Variants in IL4I1 observed in about 807,000 individuals in gnomAD.
The protein encoded by IL4I1 is interleukin 4 induced 1, also known as L-amino-acid oxidase.
A neutral mutation model predicts 29.7 loss-of-function variants in IL4I1; 24 were observed. The ratio of observed to expected loss-of-function variants is 0.81; its 90% CI spans 0.59 to 1.14. The LOEUF (loss-of-function observed/expected upper bound fraction) is 1.14, where lower values mean the gene tolerates loss of function less well. Among genes scored for constraint, IL4I1 ranks in the 50% most tolerant of loss-of-function variants. The pLI, the probability that IL4I1 is intolerant of heterozygous loss-of-function variation, is 0.00. For synonymous variants in IL4I1, 371 were observed against 352.5 expected (o/e 1.05, Z -0.59); for missense variants, 686 against 785.6 (o/e 0.87, Z 1.52).
upstream of IL4I1, among the ~76,000 whole-genome samples, chr19:49,900,683 G>GT (rs1245009817): frequency 6.6e-6 from 1 of 152,106 alleles, no homozygotes. Flanking sequence ...GTTTGGATAG[G>GT]TGAGTGGGAG....
intron 2 of IL4I1, among the ~76,000 whole-genome samples, chr19:49,905,905 T>C (rs1721199973): frequency 6.6e-6 from 1 of 151,432 alleles, no homozygotes; most frequent in Admixed American, 6.6e-5. Context: ...ACCTGGCCGG[T>C]CCAAGGAAAT....
chr19:49,889,732 G>T lies in IL4I1; in HGVS notation c.1642C>A (p.His548Asn). The change falls in exon 8 of 8, where the codon CAC (histidine) becomes AAC (asparagine). Residue 548 changes from histidine (H) to asparagine (N), a missense_variant. Transcript: ENST00000391826. ...SHDLAKEEGS[H>N]PPVQGQLSLQ... ...GATAACTGGCCTTGGACTGGAGGGT[G>T]GCTGCCTTCTTCCTTTGCCAGGTCA... 6.6e-7 allele frequency: 1 copy of T among 1,516,004 alleles called. No individual in the cohort carries two copies. The highest frequency in any genetic ancestry group is 1.3e-5 in the South Asian group (1 of 75,342). 93.9% of individuals were successfully genotyped at this position (1,516,004 alleles called of 1,614,324 possible).
chr19:49,890,884 C>T (rs2075126261), intron 7 of IL4I1, 87 bp downstream of exon 7: 1 of 1,168,590 alleles, frequency 8.6e-7, no homozygotes, highest in Non-Finnish European at 1.2e-6. Flanking sequence ...CAGCCCCGCC[C>T]CCAGACCCAG....
chr19:49,897,269 C>G (rs375349192), upstream of IL4I1, among the ~76,000 whole-genome samples: 1 of 152,188 alleles, frequency 6.6e-6, no homozygotes, highest in Non-Finnish European at 1.5e-5. Flanking sequence ...GCCAACTTTC[C>G]CCTCCAAGTC....
intron 2 of IL4I1, among the ~76,000 whole-genome samples, chr19:49,910,439 C>T (rs545898156): frequency 1.3e-5 from 2 of 152,256 alleles, no homozygotes; most frequent in South Asian, 2.1e-4. Context: ...CAGGAGAGGA[C>T]ACTGGAACTC....
exon 1 of IL4I1, chr19:49,929,447 G>C (rs55824593): frequency 7.2e-5 from 11 of 152,732 alleles, no homozygotes; most frequent in Non-Finnish European, 1.3e-4. Context: ...CCGCCCTTTC[G>C]CAGCTCGTGG....
At chr19:49,920,549 CA>C (rs930603897) in intron 2 of IL4I1, among the ~76,000 whole-genome samples, 2 of 152,314 alleles carry the variant, frequency 1.3e-5, no homozygotes, top group South Asian at 2.1e-4. Context: ...ACCAACCAAC[CA>C]GGGGGTGCTG....
In IL4I1 at chr19:49,890,380, A is replaced by G; in HGVS notation, c.994T>C (p.Phe332Leu). The G allele has an allele frequency of 6.2e-7, 1 of 1,602,446 alleles. No homozygotes were observed. Among genetic ancestry groups the G allele is most frequent in the Admixed American group, 1.7e-5 (1 of 59,766 alleles). ...ASGPAVKRITFSPPLPRHMQE... is the reference protein window; with the variant it reads ...ASGPAVKRITLSPPLPRHMQE... The stretch of plus-strand genomic sequence containing the variant: ...ATGTGGCGGGGCAGCGGCGGCGAGA[A>G]GGTGATGCGCTTCACCGCCGGTCCG... Residue 332 changes from phenylalanine (F) to leucine (L), a missense_variant, in exon 8 of 8, where the codon TTC becomes CTC. By Grantham distance (22) the Phe-to-Leu change is conservative. Coordinates refer to ENST00000391826, the MANE Select transcript of IL4I1 (RefSeq NM_152899.2).
intron 2 of IL4I1, among the ~76,000 whole-genome samples, chr19:49,915,856 A>G (rs1037130873): frequency 1.3e-4 from 20 of 152,214 alleles, no homozygotes; most frequent in Admixed American, 6.5e-5. Flanking sequence ...CCCAGCCACG[A>G]TAGGCCATCT....
chr19:49,905,893 G>A (rs1467908888), intron 2 of IL4I1, among the ~76,000 whole-genome samples: 4 of 151,116 alleles, frequency 2.6e-5, no homozygotes, highest in African/African-American at 9.7e-5. Context: ...GTGAGCCACC[G>A]CACCTGGCCG....
chr19:49,908,504 T>G, intron 2 of IL4I1: 1 of 1,614,132 alleles, frequency 6.2e-7, no homozygotes, highest in South Asian at 1.1e-5. Context: ...CTCAGCCAGC[T>G]TGTAGGTTTT....
chr19:49,908,023 A>C (rs771070946), intron 2 of IL4I1: 11 of 1,002,946 alleles, frequency 1.1e-5, no homozygotes, highest in Middle Eastern at 6.6e-4. Context: ...TGAAAGCCAC[A>C]GAAGCCACAC....
chr19:49,925,097 A>T (rs4802638), intron 2 of IL4I1, among the ~76,000 whole-genome samples: 18,932 of 151,892 alleles, frequency 0.12, 1,485 homozygotes, highest in East Asian at 0.38. Flanking sequence ...CCCCGTCTCT[A>T]CTAAAAATAC....
intron 2 of IL4I1, among the ~76,000 whole-genome samples, chr19:49,905,439 T>G (rs1170205157): frequency 2.0e-5 from 3 of 152,126 alleles, no homozygotes; most frequent in Non-Finnish European, 2.9e-5. Context: ...TCAAGGCCTA[T>G]GAACTGCAGG....
At chr19:49,926,796 C>G (rs1371441168) in intron 2 of IL4I1, among the ~76,000 whole-genome samples, 1 of 151,878 alleles carries the variant, frequency 6.6e-6, no homozygotes. Flanking sequence ...AGGCGTTAGT[C>G]TAACTGCTCG....
Position 49,896,056 on chromosome 19 carries a change from GGGA to G in IL4I1, c.14-6_14-4del, listed in dbSNP as rs752017483. 118 of 1,613,206 alleles carry G rather than the reference GGGA, an allele frequency of 7.3e-5. No individual in the cohort carries two copies. Among genetic ancestry groups the G allele is most frequent in the Non-Finnish European group, 9.2e-5 (108 of 1,179,558 alleles). On this transcript the variant is annotated splice_region_variant and splice_polypyrimidine_tract_variant and intron_variant, in intron 2 of 7. Transcript: ENST00000391826. The stretch of plus-strand genomic sequence containing the variant: ...GACGAGGACGAGGAGGTGCAGGGCT[GGGA>G]GGAGGAGGACAGGGTCAACGGGGTT...
intron 2 of IL4I1, chr19:49,909,288 C>T: frequency 6.2e-7 from 1 of 1,614,070 alleles, no homozygotes. Flanking sequence ...CCTGCTGAGC[C>T]AATGTTGAAA....
chr19:49,918,901 G>GT (rs2075693124), intron 2 of IL4I1, among the ~76,000 whole-genome samples: 1 of 149,420 alleles, frequency 6.7e-6, no homozygotes, highest in African/African-American at 2.5e-5. Flanking sequence ...AGGCTGGGGG[G>GT]GGGGGGGCGG....
chr19:49,909,771 TAGG>T (rs780854515), intron 2 of IL4I1: 4 of 1,614,094 alleles, frequency 2.5e-6, no homozygotes, highest in Non-Finnish European at 3.4e-6. Flanking sequence ...AACCCGCCTG[TAGG>T]GGCCCCAGTG....
Sources: gnomAD v4.1 joint callset for allele counts (sites outside exome capture counted in the v4.1 genomes callset) on GRCh38, gnomAD v4.1.1 for gene constraint, MANE v1.5 for transcripts, NCBI Gene and HGNC (gene_info 2026-07-23, HGNC 2026-07-21) for gene names.